Variants in ATP13A5 observed in about 807,000 individuals in gnomAD.
ATP13A5 encodes probable cation-transporting ATPase 13A5.
ATP13A5 carries 149 observed loss-of-function variants against 150.2 expected under a neutral mutation model. The ratio of observed to expected loss-of-function variants is 0.99; its 90% CI spans 0.87 to 1.14. The LOEUF is 1.14. ATP13A5 is among the 50% of genes most tolerant of loss of function. The pLI is 0.00. For synonymous variants in ATP13A5, 497 were observed against 522.2 expected, an observed-to-expected ratio of 0.95 and a Z score of 0.66; for missense variants, 1,383 against 1,449.3, an observed-to-expected ratio of 0.95 and a Z score of 0.74.
In ATP13A5 at chr3:193,285,121, A is replaced by T; in HGVS notation, c.3024-5T>A. On this transcript the variant is annotated splice_region_variant and splice_polypyrimidine_tract_variant and intron_variant, in intron 26 of 29. Coordinates refer to ENST00000342358, the MANE Select transcript of ATP13A5 (RefSeq NM_198505.4). Reference sequence around the variant, plus strand: ...TGGTTGGCCAGAAAACACTCACTACAAAAGAATCACCAGTGTTTATGAAAC... The same window carrying T: ...TGGTTGGCCAGAAAACACTCACTACTAAAGAATCACCAGTGTTTATGAAAC... 1 of 1,611,338 alleles carries T rather than the reference A, an allele frequency of 6.2e-7. No individual in the cohort carries two copies.
At chr3:193,330,587 C>T (rs1010474557) in intron 12 of ATP13A5, among the ~76,000 whole-genome samples, 3 of 152,212 alleles carry the variant, frequency 2.0e-5, no homozygotes, top group African/African-American at 7.2e-5. Context: ...TTGGTAAACG[C>T]AGTGTTCCCC....
In ATP13A5 at chr3:193,298,736, G is replaced by A. The variant is rs148348821; in HGVS notation, c.2848+395C>T. ...AGAATTCTACTAAAATAAAATGTTA[G>A]CATTTGTTCTCACACATCAAAGACC... On this transcript the variant is annotated intron_variant, in intron 25 of 29. Coordinates refer to ENST00000342358, the MANE Select transcript of ATP13A5 (RefSeq NM_198505.4). Among the ~76,000 whole-genome samples, 29 of 152,180 alleles carry A rather than the reference G, an allele frequency of 1.9e-4. No individual in the cohort carries two copies. The East Asian group carries it at 5.4e-3, about 28-fold the overall frequency.
In ATP13A5 at chr3:193,344,986, C is replaced by A. The variant is rs1303070604; in HGVS notation, c.814+17G>T. On this transcript the variant is annotated intron_variant, in intron 8 of 29. Coordinates refer to ENST00000342358, the MANE Select transcript of ATP13A5 (RefSeq NM_198505.4). ...TGAAATATTAAGATGCTGAAGATGGCCTAACACATCACTTACCTTTGTCTT... is the reference window on the plus strand; with the variant it reads ...TGAAATATTAAGATGCTGAAGATGGACTAACACATCACTTACCTTTGTCTT... The A allele has an allele frequency of 1.9e-6, 3 of 1,605,596 alleles. No individual in the cohort carries two copies. In the South Asian group the frequency reaches 3.3e-5, roughly 18 times the overall value.
At position 193,331,159 on chromosome 3, in the gene ATP13A5, G is replaced by GTTTAT; in HGVS notation, c.1424_1425insATAAA (p.Asn475LysfsTer2). ...ACACGAGGTTTATTTGCCCACACAT[G>GTTTAT]TTGATTCTCTGTGGGGAGATACAGA... On this transcript the variant is annotated stop_gained and frameshift_variant, in exon 12 of 30. Transcript: ENST00000342358. LOFTEE classifies it high-confidence loss of function. 6.2e-7 allele frequency: 1 copy of GTTTAT among 1,614,046 alleles called. No homozygotes were observed. Among genetic ancestry groups the GTTTAT allele is most frequent in the South Asian group, 1.1e-5 (1 of 91,052 alleles).
chr3:193,332,220 C>T (rs1309411000), intron 11 of ATP13A5, among the ~76,000 whole-genome samples: 1 of 152,226 alleles, frequency 6.6e-6, no homozygotes. Context: ...TGCACAAACT[C>T]TCTTGCCTGC....
At chr3:193,294,686 G>A (rs57900739) in intron 25 of ATP13A5, among the ~76,000 whole-genome samples, 45,595 of 151,936 alleles carry the variant, frequency 0.3, 7,199 homozygotes, top group East Asian at 0.57. Context: ...GTAAGAAGCC[G>A]TAATGAGAAT....
rs755507251 is a variant in ATP13A5, at chr3:193,331,268, G to T, written c.1316C>A (p.Thr439Asn). Residue 439 changes from threonine (T) to asparagine (N), a missense_variant, in exon 12 of 30, where the codon ACC (threonine) becomes AAC (asparagine). By Grantham distance (65) the Thr-to-Asn change is moderately conservative. This residue lies in a region of ATP13A5 where 787 missense variants were observed against 771.9 expected (regional missense o/e 1.02). Coordinates refer to ENST00000342358, the MANE Select transcript of ATP13A5 (RefSeq NM_198505.4). ...TGGCAGCACTGGAGGGACAGTCACGGTGAGGAGGATCAGGGCCATGGTCAC... is the reference window on the plus strand; with the variant it reads ...TGGCAGCACTGGAGGGACAGTCACGTTGAGGAGGATCAGGGCCATGGTCAC... ...DTVTMALILLTVTVPPVLPAA... is the reference protein window; with the variant it reads ...DTVTMALILLNVTVPPVLPAA... The T allele has an allele frequency of 6.2e-7, 1 of 1,614,054 alleles. No homozygotes were observed. Among genetic ancestry groups the T allele is most frequent in the South Asian group, 1.1e-5 (1 of 91,066 alleles).
intron 21 of ATP13A5, among the ~76,000 whole-genome samples, chr3:193,309,645 T>G (rs956455596): frequency 3.3e-5 from 5 of 152,212 alleles, no homozygotes; most frequent in Admixed American, 2.0e-4. Flanking sequence ...CTCTGGTTCT[T>G]CTTGCTTGCT....
Position 193,362,597 on chromosome 3 carries a change from T to C in ATP13A5, c.425A>G (p.Asn142Ser). The change falls in exon 4 of 30, where the codon AAC becomes AGC. Residue 142 changes from asparagine to serine, a missense_variant. Around this residue, in one of 3 missense-constraint regions of ATP13A5, gnomAD observed 787 missense variants for 771.9 expected, o/e 1.02. Transcript: ENST00000342358. ...TTTCTGAAACCGCTTCTCCAGGTCG[T>C]TCCAAACATACCTGATTTTCTGCAC... ...MEVQKIRYVW[N>S]DLEKRFQKVG... The C allele has an allele frequency of 6.2e-7, 1 of 1,614,202 alleles. No individual in the cohort carries two copies. Among genetic ancestry groups the C allele is most frequent in the African/African-American group, 1.3e-5 (1 of 75,058 alleles).
chr3:193,301,413 A>G lies in ATP13A5; in HGVS notation c.2679-106T>C, dbSNP rs1378867882. On this transcript the variant is annotated intron_variant, in intron 23 of 29. Transcript: ENST00000342358. ...TATTTTTAGTAGCCTGTTGACATAC[A>G]TTCACTTAATCATGAATTCATCCTC... 3 of 750,018 alleles carry G rather than the reference A, an allele frequency of 4.0e-6. No homozygotes were observed. In the Admixed American group the frequency reaches 7.6e-5, roughly 19 times the overall value. 46.5% of individuals were successfully genotyped at this position (750,018 alleles called of 1,614,324 possible).
intron 5 of ATP13A5, among the ~76,000 whole-genome samples, chr3:193,356,276 CA>C (rs11333858): frequency 0.55 from 79,938 of 144,924 alleles, 21,455 homozygotes; most frequent in African/African-American, 0.64. Context: ...AATAAGTTTG[CA>C]AAAAAAAAAA....
intron 6 of ATP13A5, among the ~76,000 whole-genome samples, chr3:193,352,109 A>T (rs1309176814): frequency 6.6e-6 from 1 of 152,208 alleles, no homozygotes; most frequent in African/African-American, 2.4e-5. Context: ...ATTCTCTCTT[A>T]CCTCTGTTTT....
intron 24 of ATP13A5, among the ~76,000 whole-genome samples, chr3:193,300,499 G>A (rs1649433494): frequency 6.6e-6 from 1 of 152,084 alleles, no homozygotes; most frequent in Non-Finnish European, 1.5e-5. Context: ...TAATCTTGTG[G>A]CCCTCTTATT....
chr3:193,351,136 T>C lies in ATP13A5; in HGVS notation c.672A>G (p.Ile224Met). 2.5e-6 allele frequency: 4 copies of C among 1,613,840 alleles called. No individual in the cohort carries two copies. Among genetic ancestry groups the C allele is most frequent in the Non-Finnish European group, 3.4e-6 (4 of 1,179,768 alleles). ...TLTLWLSQGY[I>M]EYSVAIIILT... ...AAATGATGATGGCCACAGAGTATTC[T>C]ATGTAACCTTGAGACAGCCACAAAG... The change falls in exon 7 of 30, where the codon ATA (isoleucine) becomes ATG (methionine). Residue 224 changes from isoleucine to methionine, a missense_variant. Ile to Met is a conservative substitution (Grantham distance 10). Coordinates refer to ENST00000342358, the MANE Select transcript of ATP13A5 (RefSeq NM_198505.4).
chr3:193,302,985 A>G (rs1290489032), intron 23 of ATP13A5, among the ~76,000 whole-genome samples: 2 of 152,178 alleles, frequency 1.3e-5, no homozygotes, highest in Non-Finnish European at 2.9e-5. Flanking sequence ...GTAACAGTAC[A>G]CTGCACTCAT....
chr3:193,318,894 G>C, intron 17 of ATP13A5, 97 bp downstream of exon 17: 1 of 826,558 alleles, frequency 1.2e-6, no homozygotes, highest in Non-Finnish European at 2.1e-6. Context: ...GTCTCTGAGA[G>C]CCTTCCAGGT....
chr3:193,289,391 A>G (rs776530601), intron 26 of ATP13A5, among the ~76,000 whole-genome samples: 19 of 152,146 alleles, frequency 1.2e-4, no homozygotes, highest in Non-Finnish European at 2.1e-4. Flanking sequence ...TCATATGTCT[A>G]TATCAGTGGC....
intron 23 of ATP13A5, among the ~76,000 whole-genome samples, chr3:193,303,625 G>C (rs972673176): frequency 4.6e-5 from 7 of 151,962 alleles, no homozygotes; most frequent in African/African-American, 1.7e-4. Context: ...TGCGGTAACA[G>C]GTTTTCTGAA....
intron 14 of ATP13A5, chr3:193,323,475 A>G (rs527314282): frequency 6.6e-6 from 1 of 152,328 alleles, no homozygotes; most frequent in African/African-American, 2.4e-5. Flanking sequence ...TACAGAGCTA[A>G]TACTAAAGAT....
Sources: gnomAD v4.1 joint callset for allele counts (sites outside exome capture counted in the v4.1 genomes callset) on GRCh38, gnomAD v4.1.1 for gene constraint, gnomAD v4.1.1 regional missense constraint, MANE v1.5 for transcripts, NCBI Gene and HGNC (gene_info 2026-07-23, HGNC 2026-07-21) for gene names.